PACSIN2: variants seen among roughly 807,000 people sequenced by gnomAD.
PACSIN2 encodes protein kinase C and casein kinase substrate in neurons protein 2.
Under a neutral mutation model 63.8 loss-of-function variants are expected in PACSIN2, and 25 were observed. That is an observed-to-expected ratio of 0.39 (90% confidence interval 0.29 to 0.55). The LOEUF (loss-of-function observed/expected upper bound fraction) is 0.55. Among genes scored for constraint, PACSIN2 ranks in the 20% least tolerant of loss-of-function variants. The pLI, the probability that PACSIN2 is intolerant of heterozygous loss-of-function variation, is 0.62. For synonymous variants in PACSIN2, 255 were observed against 256.2 expected, an observed-to-expected ratio of 1.00 and a Z score of 0.05; for missense variants, 518 against 646.9, an observed-to-expected ratio of 0.80 and a Z score of 2.16.
chr22:42,965,623 A>C (rs889972039), intron 1 of PACSIN2, among the ~76,000 whole-genome samples: 2 of 152,176 alleles, frequency 1.3e-5, no homozygotes, highest in African/African-American at 4.8e-5. Flanking sequence ...ATTTTAGCCC[A>C]AGTGTATTTC....
At chr22:42,907,328 A>G (rs1931145000) in intron 2 of PACSIN2, among the ~76,000 whole-genome samples, 1 of 152,242 alleles carries the variant, frequency 6.6e-6, no homozygotes, top group South Asian at 2.1e-4. Context: ...TAGATGGGCT[A>G]TCTGGCAGTG....
chr22:42,938,568 G>C (rs2267477), intron 1 of PACSIN2, among the ~76,000 whole-genome samples: 91,679 of 152,102 alleles, frequency 0.6, 28,179 homozygotes, highest in East Asian at 0.78. Context: ...ACCACAGCAA[G>C]CAGAGGCTGT....
intron 1 of PACSIN2, among the ~76,000 whole-genome samples, chr22:43,008,493 C>T (rs1466907479): frequency 6.6e-6 from 1 of 152,220 alleles, no homozygotes; most frequent in East Asian, 1.9e-4. Context: ...TTGTGATCTG[C>T]CCACCTCAGC....
At chr22:42,916,223 G>A (rs947123254) in intron 1 of PACSIN2, among the ~76,000 whole-genome samples, 4 of 152,136 alleles carry the variant, frequency 2.6e-5, no homozygotes, top group East Asian at 1.9e-4. Context: ...GTTCTTGGCC[G>A]GCACCCTGGG....
intron 1 of PACSIN2, among the ~76,000 whole-genome samples, chr22:42,977,945 T>C (rs988345325): frequency 5.3e-5 from 8 of 152,214 alleles, no homozygotes; most frequent in Non-Finnish European, 8.8e-5. Context: ...TGGTTCTTTA[T>C]AGCAATGTGA....
chr22:42,898,703 C>T (rs945881918), intron 2 of PACSIN2, among the ~76,000 whole-genome samples: 7 of 152,104 alleles, frequency 4.6e-5, no homozygotes, highest in Non-Finnish European at 8.8e-5. Context: ...TTCCCCGAGC[C>T]CAGGACTCGC....
chr22:42,881,282 C>T (rs1929053279), intron 7 of PACSIN2, among the ~76,000 whole-genome samples: 1 of 152,218 alleles, frequency 6.6e-6, no homozygotes, highest in Non-Finnish European at 1.5e-5. Context: ...ACAAAGTCAC[C>T]ATGTTCCCTA....
intron 1 of PACSIN2, among the ~76,000 whole-genome samples, chr22:42,975,949 G>A (rs911779508): frequency 2.0e-5 from 3 of 152,120 alleles, no homozygotes; most frequent in Admixed American, 2.0e-4. Context: ...ACAAATACCA[G>A]GCCAAAAGCG....
chr22:42,900,223 C>T (rs998004918), intron 2 of PACSIN2, among the ~76,000 whole-genome samples: 12 of 152,200 alleles, frequency 7.9e-5, no homozygotes, highest in Admixed American at 4.6e-4. Context: ...CCCTTGTGAA[C>T]ACCGTCCCCA....
At chr22:42,998,597 A>C (rs1439342766) in intron 1 of PACSIN2, among the ~76,000 whole-genome samples, 2 of 152,354 alleles carry the variant, frequency 1.3e-5, no homozygotes, top group African/African-American at 4.8e-5. Context: ...TGTAAATTCA[A>C]GTTTTAAAGT....
At chr22:42,877,076 C>T (rs1014269856) in intron 8 of PACSIN2, 66 bp from the exon 9 acceptor site, 192 of 1,566,222 alleles carry the variant, frequency 1.2e-4, no homozygotes, top group Non-Finnish European at 1.6e-4. Context: ...CCTGGCAACT[C>T]CTAGCTGCAG....
At chr22:42,891,686 G>A (rs544562822) in intron 3 of PACSIN2, among the ~76,000 whole-genome samples, 16 of 152,268 alleles carry the variant, frequency 1.1e-4, no homozygotes, top group African/African-American at 3.4e-4. Flanking sequence ...GATTACAGGC[G>A]TGAGCCACCG....
At chr22:42,896,503 C>T (rs1056821391) in intron 2 of PACSIN2, among the ~76,000 whole-genome samples, 1 of 152,148 alleles carries the variant, frequency 6.6e-6, no homozygotes, top group Non-Finnish European at 1.5e-5. Context: ...GGTAGTTATA[C>T]CACTCTTTGG....
chr22:43,012,722 G>A (rs2146934727), intron 1 of PACSIN2, among the ~76,000 whole-genome samples: 2 of 151,306 alleles, frequency 1.3e-5, no homozygotes, highest in East Asian at 3.9e-4. Context: ...GCCGGATCTT[G>A]GCTCACCGCA....
chr22:42,890,893 G>A, intron 4 of PACSIN2, 54 bp downstream of exon 4: 1 of 1,439,898 alleles, frequency 6.9e-7, no homozygotes. Context: ...GGTGCTGCTA[G>A]TGGGGTGCCA....
intron 1 of PACSIN2, among the ~76,000 whole-genome samples, chr22:42,933,552 A>G (rs1036103860): frequency 3.3e-5 from 5 of 152,212 alleles, no homozygotes; most frequent in Admixed American, 1.3e-4. Flanking sequence ...ACCAAAATGT[A>G]TAACACCAAC....
intron 1 of PACSIN2, among the ~76,000 whole-genome samples, chr22:42,966,599 GGA>G (rs1920959942): frequency 6.6e-6 from 1 of 152,154 alleles, no homozygotes; most frequent in Non-Finnish European, 1.5e-5. Flanking sequence ...ACTAATTAAT[GGA>G]GACAGCCCAA....
chr22:42,870,767 T>A lies in PACSIN2; in HGVS notation c.*590A>T, dbSNP rs1928045545. On this transcript the variant is annotated 3_prime_UTR_variant, in exon 11 of 11. Transcript: ENST00000263246. ...TCCCACCTTCCTGGCATAATTCCTT[T>A]CCTCAAACATCTGCCACCTGAGGCT... The A allele has an allele frequency of 6.6e-6, 1 of 152,368 alleles. No individual in the cohort carries two copies. Among genetic ancestry groups the A allele is most frequent in the Admixed American group, 6.5e-5 (1 of 15,304 alleles). The allele number at this position is 152,368 out of a possible 1,614,324, so 9.4% of individuals were successfully genotyped here.
At chr22:42,883,873 G>T (rs536340358) in intron 6 of PACSIN2, among the ~76,000 whole-genome samples, 4 of 152,108 alleles carry the variant, frequency 2.6e-5, no homozygotes. Flanking sequence ...GTGTGGTGGC[G>T]CATGCCTGTA....
Sources: gnomAD v4.1 joint callset for allele counts (sites outside exome capture counted in the v4.1 genomes callset) on GRCh38, gnomAD v4.1.1 for gene constraint, MANE v1.5 for transcripts, NCBI Gene and HGNC (gene_info 2026-07-23, HGNC 2026-07-21) for gene names.